Variants in EGFLAM observed in about 807,000 individuals in gnomAD.
The protein encoded by EGFLAM is EGF like, fibronectin type III and laminin G domains.
Under a neutral mutation model 113.1 loss-of-function variants are expected in EGFLAM, and 79 were observed. The observed-to-expected ratio is 0.70, with a 90% CI of 0.58 to 0.84. The LOEUF (loss-of-function observed/expected upper bound fraction) is 0.84, where lower values mean the gene tolerates loss of function less well. Among genes scored for constraint, EGFLAM ranks in the 40% least tolerant of loss-of-function variants. The pLI is 0.00. For missense variants in EGFLAM, 1,265 were observed against 1,291.6 expected, an observed-to-expected ratio of 0.98 and a Z score of 0.32; for synonymous variants, 504 against 487.6, an observed-to-expected ratio of 1.03 and a Z score of -0.44.
intron 1 of EGFLAM, among the ~76,000 whole-genome samples, chr5:38,276,146 C>T (rs762500416): frequency 8.6e-5 from 13 of 152,024 alleles, no homozygotes; most frequent in South Asian, 4.1e-4. Flanking sequence ...ATATGGATGG[C>T]GGCAGTCAAA....
chr5:38,367,693 A>T (rs1308658538), intron 5 of EGFLAM, among the ~76,000 whole-genome samples: 1 of 152,096 alleles, frequency 6.6e-6, no homozygotes, highest in African/African-American at 2.4e-5. Context: ...GGATAAAGTG[A>T]TTTTCTTCAG....
At position 38,427,237 on chromosome 5, in the gene EGFLAM, G is replaced by T; in HGVS notation, c.2039G>T (p.Gly680Val). 6.2e-7 allele frequency: 1 copy of T among 1,613,952 alleles called. No individual in the cohort carries two copies. The highest frequency in any genetic ancestry group is 8.5e-7 in the Non-Finnish European group (1 of 1,179,970). The change falls in exon 14 of 22, where the codon GGG becomes GTG. Residue 680 changes from glycine to valine, a missense_variant. Gly to Val is a moderately radical substitution (Grantham distance 109). Coordinates refer to ENST00000322350, the MANE Select transcript of EGFLAM (RefSeq NM_152403.4). ...GAGTTCCGCTTTGACTGTGGCTCTG[G>T]GACCGGTGTCCTCAGGTGAGGGCTG... ...HVEFRFDCGSGTGVLRSEDPL... is the reference protein window; with the variant it reads ...HVEFRFDCGSVTGVLRSEDPL...
intron 5 of EGFLAM, among the ~76,000 whole-genome samples, chr5:38,360,018 G>A (rs781350224): frequency 7.9e-5 from 12 of 152,044 alleles, no homozygotes; most frequent in East Asian, 3.9e-4. Flanking sequence ...AGTATTACTC[G>A]CAAATTGATA....
At position 38,316,023 on chromosome 5, in the gene EGFLAM, G is replaced by C. The variant is rs1164778153; in HGVS notation, c.98-21497G>C. Among the ~76,000 whole-genome samples, 4 of 147,066 alleles carry C rather than the reference G, an allele frequency of 2.7e-5. No individual in the cohort carries two copies. In the Admixed American group the frequency reaches 2.8e-4, roughly 10 times the overall value. On this transcript the variant is annotated intron_variant, in intron 1 of 21. Transcript: ENST00000322350. The stretch of plus-strand genomic sequence containing the variant: ...ACCCGGCATGCGGAGGTTGCAATGA[G>C]CTCAGATCGCGCCACTGCACCCCAG...
chr5:38,335,459 A>T (rs1739159509), intron 1 of EGFLAM, among the ~76,000 whole-genome samples: 2 of 152,148 alleles, frequency 1.3e-5, no homozygotes, highest in African/African-American at 4.8e-5. Context: ...TTTACTGTGG[A>T]TGGGCTTGGT....
At chr5:38,376,288 A>G (rs1740361732) in intron 6 of EGFLAM, among the ~76,000 whole-genome samples, 1 of 152,224 alleles carries the variant, frequency 6.6e-6, no homozygotes, top group South Asian at 2.1e-4. Context: ...GCAGAAGTAA[A>G]AAAGTCACTT....
In EGFLAM at chr5:38,464,231, TGAA is replaced by T; in HGVS notation, c.*246_*248del. 1 of 505,036 alleles carries T rather than the reference TGAA, an allele frequency of 2.0e-6. No individual in the cohort carries two copies. Among genetic ancestry groups the T allele is most frequent in the African/African-American group, 1.9e-5 (1 of 52,606 alleles). The allele number at this position is 505,036 out of a possible 1,614,324, so 31.3% of individuals were successfully genotyped here. The stretch of plus-strand genomic sequence containing the variant: ...GTAGGAAGCATCGGACTTTGTCCAT[TGAA>T]TATGTAGCGGCTGCCAGAGATCACA... On this transcript the variant is annotated 3_prime_UTR_variant, in exon 22 of 22. Coordinates refer to ENST00000322350, the MANE Select transcript of EGFLAM (RefSeq NM_152403.4).
At chr5:38,278,025 A>G (rs1757926714) in intron 1 of EGFLAM, among the ~76,000 whole-genome samples, 1 of 123,806 alleles carries the variant, frequency 8.1e-6, no homozygotes, top group Non-Finnish European at 1.9e-5. Flanking sequence ...TCTTCACAGA[A>G]ATAGAAAAAA....
rs773215630 is a variant in EGFLAM, at chr5:38,418,114, G to A, written c.1543G>A (p.Ala515Thr). The A allele has an allele frequency of 1.4e-5, 23 of 1,614,126 alleles. No individual in the cohort carries two copies. The South Asian group carries it at 1.8e-4, about 12-fold the overall frequency. The change falls in exon 12 of 22, where the codon GCT becomes ACT. Residue 515 changes from alanine (A) to threonine (T), a missense_variant. Coordinates refer to ENST00000322350, the MANE Select transcript of EGFLAM (RefSeq NM_152403.4). The part of the protein sequence containing the change: ...TFRTPLYLGG[A>T]PSAYWLVRAT... ...CCGGACACCTCTCTATCTTGGTGGCGCTCCCAGCGCTTACTGGTTGGTTAG... is the reference window on the plus strand; with the variant it reads ...CCGGACACCTCTCTATCTTGGTGGCACTCCCAGCGCTTACTGGTTGGTTAG...
intron 6 of EGFLAM, among the ~76,000 whole-genome samples, chr5:38,396,474 T>C (rs1250874109): frequency 6.6e-6 from 1 of 152,252 alleles, no homozygotes; most frequent in Non-Finnish European, 1.5e-5. Context: ...GCATTTACCA[T>C]GTGCAGAGCA....
intron 1 of EGFLAM, among the ~76,000 whole-genome samples, chr5:38,336,451 G>A (rs932430386): frequency 8.5e-5 from 13 of 152,094 alleles, no homozygotes; most frequent in Admixed American, 6.6e-4. Flanking sequence ...GCGAGCTCCT[G>A]TAGTCCCAGC....
intron 1 of EGFLAM, among the ~76,000 whole-genome samples, chr5:38,328,554 ACAAG>A (rs1462016788): frequency 6.6e-6 from 1 of 152,132 alleles, no homozygotes; most frequent in African/African-American, 2.4e-5. Flanking sequence ...TTATACTGTC[ACAAG>A]CAATTTTTCG....
intron 12 of EGFLAM, among the ~76,000 whole-genome samples, chr5:38,422,060 G>A (rs775326507): frequency 7.2e-5 from 11 of 152,084 alleles, no homozygotes; most frequent in Non-Finnish European, 1.5e-4. Context: ...GGGAAAAATA[G>A]GTGGGCCTCG....
At chr5:38,302,185 C>A (rs924990940) in intron 1 of EGFLAM, among the ~76,000 whole-genome samples, 1 of 148,088 alleles carries the variant, frequency 6.8e-6, no homozygotes, top group Non-Finnish European at 1.5e-5. Context: ...TGCAGTGAGC[C>A]GAGATAGTGC....
At position 38,397,259 on chromosome 5, in the gene EGFLAM, G is replaced by C. The variant is rs1476823048; in HGVS notation, c.713-8867G>C. Among the ~76,000 whole-genome samples, 4 of 152,156 alleles carry C rather than the reference G, an allele frequency of 2.6e-5. No individual in the cohort carries two copies. The East Asian group carries it at 7.7e-4, about 29-fold the overall frequency. On this transcript the variant is annotated intron_variant, in intron 6 of 21. Coordinates refer to ENST00000322350, the MANE Select transcript of EGFLAM (RefSeq NM_152403.4). ...CATTAGACTCATTCAGATTTGAAGGGACTGGTTCCAGCAGATTATTTGGGG... is the reference window on the plus strand; with the variant it reads ...CATTAGACTCATTCAGATTTGAAGGCACTGGTTCCAGCAGATTATTTGGGG...
intron 1 of EGFLAM, among the ~76,000 whole-genome samples, chr5:38,270,875 G>C (rs139972005): frequency 1.3e-5 from 2 of 152,168 alleles, no homozygotes; most frequent in African/African-American, 4.8e-5. Context: ...AGAGTTTATA[G>C]AGTGGTAGAG....
intron 1 of EGFLAM, among the ~76,000 whole-genome samples, chr5:38,269,390 C>CT (rs372294743): frequency 4.0e-5 from 6 of 151,716 alleles, no homozygotes; most frequent in Non-Finnish European, 5.9e-5. Context: ...ATAAAAAAAT[C>CT]TTTTTTTTAG....
intron 13 of EGFLAM, among the ~76,000 whole-genome samples, chr5:38,425,343 T>G (rs1055384312): frequency 6.6e-6 from 1 of 152,058 alleles, no homozygotes; most frequent in African/African-American, 2.4e-5. Flanking sequence ...ATTTTTGTAT[T>G]TTTAGTAGAG....
intron 1 of EGFLAM, among the ~76,000 whole-genome samples, chr5:38,303,865 G>A (rs1163666950): frequency 2.0e-5 from 3 of 152,090 alleles, no homozygotes; most frequent in Non-Finnish European, 4.4e-5. Flanking sequence ...CCTTGGCATG[G>A]TGGCTCATGC....
Sources: allele counts gnomAD v4.1 joint callset (sites outside exome capture counted in the v4.1 genomes callset), GRCh38; gene constraint gnomAD v4.1.1; transcripts MANE v1.5; gene names NCBI Gene and HGNC (gene_info 2026-07-23, HGNC 2026-07-21).